Variants in AP5Z1 observed in about 807,000 individuals in gnomAD.
AP5Z1 encodes the protein adaptor related protein complex 5 subunit zeta 1.
Under a neutral mutation model 83.0 loss-of-function variants are expected in AP5Z1, and 106 were observed. The ratio of observed to expected loss-of-function variants is 1.28; its 90% CI spans 1.09 to 1.50. The LOEUF (loss-of-function observed/expected upper bound fraction) is 1.50, where lower values mean the gene tolerates loss of function less well. AP5Z1 is among the 40% of genes most tolerant of loss of function. AP5Z1 has a pLI of 0.00. For synonymous variants in AP5Z1, 751 were observed against 514.1 expected (o/e 1.46, Z -6.23); for missense variants, 1,565 against 1,094.2 (o/e 1.43, Z -6.07).
At chr7:4,790,644 G>A (rs759675213) in intron 15 of AP5Z1, 29 bp from the exon 16 acceptor site, 1 of 1,612,126 alleles carries the variant, frequency 6.2e-7, no homozygotes, top group African/African-American at 1.3e-5. Context: ...AGGCCTGGGT[G>A]GGGGCTGAAT....
rs764372607 is a variant in AP5Z1, at chr7:4,781,289, C to T, written c.156C>T (p.Ile52=). 1.2e-6 allele frequency: 2 copies of T among 1,613,714 alleles called. No homozygotes were observed. The highest frequency in any genetic ancestry group is 3.3e-5 in the Admixed American group (2 of 60,028). The change falls in exon 2 of 17, where the codon ATC becomes ATT. Residue 52 remains isoleucine, a synonymous_variant. Transcript: ENST00000649063. The part of the protein sequence containing the change: ...LDSLQRLFLI[I]SATKYSRRLE... ...CCCTGCAGAGGCTCTTCCTCATCAT[C>T]TCAGCCACGAAGTACAGCCGGAGGT...
Position 4,788,350 on chromosome 7 carries a change from C to A in AP5Z1, c.1595+56C>A, listed in dbSNP as rs1583237596. ...GTGGCTCAGAGAGCCCGGCCACAGCCACTGGGGTGGGGCTCACTGCTCAGC... is the reference window on the plus strand; with the variant it reads ...GTGGCTCAGAGAGCCCGGCCACAGCAACTGGGGTGGGGCTCACTGCTCAGC... On this transcript the variant is annotated intron_variant, in intron 12 of 16. Coordinates refer to ENST00000649063, the MANE Select transcript of AP5Z1 (RefSeq NM_014855.3). 1.6e-5 allele frequency: 24 copies of A among 1,508,868 alleles called. No individual in the cohort carries two copies. In the East Asian group the frequency reaches 5.8e-4, roughly 37 times the overall value. The allele number at this position is 1,508,868 out of a possible 1,614,324, so 93.5% of individuals were successfully genotyped here. A position where few individuals can be genotyped will look rare whatever the true frequency, so the allele number is the denominator to read the frequency against.
At chr7:4,779,210 A>G (rs963143647) in intron 1 of AP5Z1, among the ~76,000 whole-genome samples, 4 of 146,082 alleles carry the variant, frequency 2.7e-5, no homozygotes, top group Non-Finnish European at 6.0e-5. Flanking sequence ...TATAGCATAT[A>G]TTATGTATAA....
Position 4,775,647 on chromosome 7 carries a change from G to C in AP5Z1, c.-69G>C. 2 of 1,594,180 alleles carry C rather than the reference G, an allele frequency of 1.3e-6. No individual in the cohort carries two copies. Among genetic ancestry groups the C allele is most frequent in the South Asian group, 1.1e-5 (1 of 89,954 alleles). Reference sequence around the variant, plus strand: ...TGACGCGGTCCCGGAAGTTGACCGGGGTGCGGAGCTCCTGGGCTGCAGCTC... The same window carrying C: ...TGACGCGGTCCCGGAAGTTGACCGGCGTGCGGAGCTCCTGGGCTGCAGCTC... On this transcript the variant is annotated 5_prime_UTR_variant, in exon 1 of 17. Coordinates refer to ENST00000649063, the MANE Select transcript of AP5Z1 (RefSeq NM_014855.3).
At chr7:4,788,115 G>GTT in intron 11 of AP5Z1, 39 bp from the exon 12 acceptor site, 6 of 1,491,664 alleles carry the variant, frequency 4.0e-6, no homozygotes, top group Non-Finnish European at 2.7e-6. Context: ...GAGTGCAGGG[G>GTT]CCGCATCCCA....
chr7:4,780,699 A>G (rs544827807), intron 1 of AP5Z1, among the ~76,000 whole-genome samples: 4 of 152,196 alleles, frequency 2.6e-5, no homozygotes, highest in African/African-American at 9.6e-5. Context: ...CCCGGAGGCG[A>G]AGGTTGCAGT....
rs1422093758 is a variant in AP5Z1, at chr7:4,789,861, G to A, written c.1737G>A (p.Leu579=). The part of the protein sequence containing the change: ...QVADGSLINQ[L]ALLLLGRSDS... ...CTGACGGGTCCCTGATCAACCAGCTGGCGCTGCTGCTCCTGGGCAGGAGCG... is the reference window on the plus strand; with the variant it reads ...CTGACGGGTCCCTGATCAACCAGCTAGCGCTGCTGCTCCTGGGCAGGAGCG... The change falls in exon 14 of 17, where the codon CTG becomes CTA. Residue 579 remains leucine, a synonymous_variant. Coordinates refer to ENST00000649063, the MANE Select transcript of AP5Z1 (RefSeq NM_014855.3). 6.4e-7 allele frequency: 1 copy of A among 1,552,758 alleles called. No individual in the cohort carries two copies. The highest frequency in any genetic ancestry group is 2.4e-5 in the East Asian group (1 of 41,076).
chr7:4,780,500 C>T (rs927580245), intron 1 of AP5Z1, among the ~76,000 whole-genome samples: 2 of 151,938 alleles, frequency 1.3e-5, no homozygotes, highest in Non-Finnish European at 2.9e-5. Flanking sequence ...CGCGGTGGCT[C>T]ACGCCTGTAA....
intron 1 of AP5Z1, among the ~76,000 whole-genome samples, chr7:4,779,099 T>C (rs903213037): frequency 7.1e-6 from 1 of 141,730 alleles, no homozygotes; most frequent in Non-Finnish European, 1.5e-5. Flanking sequence ...ATATAAAATA[T>C]ATATTATATA....
intron 15 of AP5Z1, 21 bp from the exon 16 acceptor site, chr7:4,790,652 A>T: frequency 6.2e-7 from 1 of 1,612,098 alleles, no homozygotes; most frequent in Non-Finnish European, 8.5e-7. Context: ...GTGGGGGCTG[A>T]ATCTCTGTCC....
Position 4,791,612 on chromosome 7 carries a change from G to GC in AP5Z1, c.*227_*228insC. 1 of 642,714 alleles carries GC rather than the reference G, an allele frequency of 1.6e-6. No individual in the cohort carries two copies. The allele number at this position is 642,714 out of a possible 1,614,324, so 39.8% of individuals were successfully genotyped here. ...CCAGGCAACACTGAGCTGAGCTGAG[G>GC]GGTGCCATGGAGCGGCTCTGATTGG... is the stretch of plus-strand genomic sequence containing the variant. On this transcript the variant is annotated 3_prime_UTR_variant, in exon 17 of 17. Transcript: ENST00000649063.
rs540895729 is a variant in AP5Z1, at chr7:4,793,473, C to G, written c.*2088C>G. ...GCCCGCCACTGCACTGTGGGAGCCC[C>G]TTTCAGGGCTGGCCAAGGCCGGAGC... is the stretch of plus-strand genomic sequence containing the variant. On this transcript the variant is annotated 3_prime_UTR_variant, in exon 17 of 17. Transcript: ENST00000649063. 1 of 152,870 alleles carries G rather than the reference C, an allele frequency of 6.5e-6. No homozygotes were observed. The highest frequency in any genetic ancestry group is 1.5e-5 in the Non-Finnish European group (1 of 68,458). The allele number at this position is 152,870 out of a possible 1,614,324, so 9.5% of individuals were successfully genotyped here. A position where few individuals can be genotyped will look rare whatever the true frequency, so the allele number is the denominator to read the frequency against.
rs1781640868 is a variant in AP5Z1, at chr7:4,788,698, G to A, written c.1596-142G>A. On this transcript the variant is annotated intron_variant, in intron 12 of 16. Coordinates refer to ENST00000649063, the MANE Select transcript of AP5Z1 (RefSeq NM_014855.3). ...GACGCCAGGGGTCTCCCCAAACCCA[G>A]GGGAGCAGGAGGTCCCGAGAGGCGA... 11 of 719,982 alleles carry A rather than the reference G, an allele frequency of 1.5e-5. 1 individual carries two copies. In the South Asian group the frequency reaches 2.1e-4, roughly 14 times the overall value. 44.6% of individuals were successfully genotyped at this position (719,982 alleles called of 1,614,324 possible).
At chr7:4,786,088 C>G (rs1441107699) in intron 9 of AP5Z1, among the ~76,000 whole-genome samples, 162 bp from the exon 10 acceptor site, 1 of 152,162 alleles carries the variant, frequency 6.6e-6, no homozygotes, top group Admixed American at 6.5e-5. Context: ...TGTCCCTGGG[C>G]GAGGGAGACC....
At chr7:4,778,435 C>T (rs755613804) in intron 1 of AP5Z1, among the ~76,000 whole-genome samples, 3 of 152,010 alleles carry the variant, frequency 2.0e-5, no homozygotes, top group South Asian at 4.2e-4. Context: ...CCCACTAGCT[C>T]GGGAGCTAGT....
rs1200811103 is a variant in AP5Z1, at chr7:4,788,294, G to T, written c.1595G>T (p.Arg532Met). 2.8e-5 allele frequency: 45 copies of T among 1,586,780 alleles called. No homozygotes were observed. Among genetic ancestry groups the T allele is most frequent in the Non-Finnish European group, 3.7e-5 (43 of 1,168,086 alleles). The change falls in exon 12 of 17, where the codon AGG becomes ATG. Residue 532 changes from arginine to methionine, a missense_variant and splice_region_variant. Physicochemically the swap from Arg to Met is moderately conservative, Grantham distance 91. Transcript: ENST00000649063. Reference protein sequence around the residue: ...LRPKASGATERLAPLHQLLQP... With the variant: ...LRPKASGATEMLAPLHQLLQP... ...CCCAAGGCCAGTGGCGCCACTGAGAGGTACGGGGCCCTAGGGCCAGGGGGC... is the reference window on the plus strand; with the variant it reads ...CCCAAGGCCAGTGGCGCCACTGAGATGTACGGGGCCCTAGGGCCAGGGGGC...
rs376051396 is a variant in AP5Z1, at chr7:4,784,699, AC to A, written c.791-208del. On this transcript the variant is annotated intron_variant, in intron 6 of 16. Transcript: ENST00000649063. ...TGAGCTCCTCCCGGCTGCTCTGTGG[AC>A]TTGTTGGGGAAGAAGCCTCAGCCAC... Among the ~76,000 whole-genome samples, 194 of 152,194 alleles carry A rather than the reference AC, an allele frequency of 1.3e-3. 1 individual carries two copies. The highest frequency in any genetic ancestry group is 4.1e-3 in the African/African-American group (170 of 41,528).
In AP5Z1 at chr7:4,793,050, A is replaced by ACTTAG. The variant is rs1781837063; in HGVS notation, c.*1665_*1666insCTTAG. The ACTTAG allele has an allele frequency of 6.6e-6, 1 of 152,526 alleles. No individual in the cohort carries two copies. Among genetic ancestry groups the ACTTAG allele is most frequent in the Non-Finnish European group, 1.5e-5 (1 of 68,198 alleles). 9.4% of individuals were successfully genotyped at this position (152,526 alleles called of 1,614,324 possible). ...CACTCGTGGGGCCACCGCCCAGGCC[A>ACTTAG]GCTGGTGCTAAGTCCGCAGCCTGTG... On this transcript the variant is annotated 3_prime_UTR_variant, in exon 17 of 17. Transcript: ENST00000649063.
chr7:4,781,541 G>T lies in AP5Z1; in HGVS notation c.180-27G>T, dbSNP rs779120342. The T allele has an allele frequency of 4.4e-6, 7 of 1,598,318 alleles. No individual in the cohort carries two copies. In the South Asian group the frequency reaches 7.7e-5, roughly 18 times the overall value. On this transcript the variant is annotated intron_variant, in intron 2 of 16. Coordinates refer to ENST00000649063, the MANE Select transcript of AP5Z1 (RefSeq NM_014855.3). ...CCTGCCACGGTCGTGACGTGTTACC[G>T]CCCACCACGGGCATCTCGCCTTCCA...
Sources: gnomAD v4.1 joint callset for allele counts (sites outside exome capture counted in the v4.1 genomes callset) on GRCh38, gnomAD v4.1.1 for gene constraint, MANE v1.5 for transcripts, NCBI Gene and HGNC (gene_info 2026-07-23, HGNC 2026-07-21) for gene names.